Variants in DEPDC5 observed in about 807,000 individuals in gnomAD.
DEPDC5 encodes GATOR1 complex protein DEPDC5.
A neutral mutation model predicts 217.3 loss-of-function variants in DEPDC5; 73 were observed. The ratio of observed to expected loss-of-function variants is 0.34; its 90% CI spans 0.28 to 0.41. The LOEUF (loss-of-function observed/expected upper bound fraction) is 0.41. Ranked by LOEUF, DEPDC5 falls within the 10% of genes least tolerant of loss-of-function variation. DEPDC5 has a pLI of 1.00. For synonymous variants in DEPDC5, 733 were observed against 756.7 expected, an observed-to-expected ratio of 0.97 and a Z score of 0.51; for missense variants, 1,675 against 2,070.1, an observed-to-expected ratio of 0.81 and a Z score of 3.70.
At chr22:31,823,756 A>G (rs757498967) in intron 24 of DEPDC5, among the ~76,000 whole-genome samples, 5 of 152,182 alleles carry the variant, frequency 3.3e-5, no homozygotes, top group Non-Finnish European at 5.9e-5. Context: ...GTTATTAAAT[A>G]TATTTTATAC....
Position 31,837,278 on chromosome 22 carries a change from A to G in DEPDC5, c.2354+123A>G, listed in dbSNP as rs967792863. On this transcript the variant is annotated intron_variant, in intron 26 of 42. Coordinates refer to ENST00000651528, the MANE Select transcript of DEPDC5 (RefSeq NM_001242896.3). Reference sequence around the variant, plus strand: ...ACACATATATTAAAATTGGAACGATATAGAGGAGATTAGCATGGCCGTTAA... The same window carrying G: ...ACACATATATTAAAATTGGAACGATGTAGAGGAGATTAGCATGGCCGTTAA... 1.3e-5 allele frequency: 13 copies of G among 967,512 alleles called. No individual in the cohort carries two copies. The South Asian group carries it at 1.5e-4, about 11-fold the overall frequency. 59.9% of individuals were successfully genotyped at this position (967,512 alleles called of 1,614,324 possible). A position where few individuals can be genotyped will look rare whatever the true frequency, so the allele number is the denominator to read the frequency against.
chr22:31,775,156 T>G (rs1205366513), intron 7 of DEPDC5, among the ~76,000 whole-genome samples: 1 of 151,962 alleles, frequency 6.6e-6, no homozygotes, highest in Non-Finnish European at 1.5e-5. Context: ...AGCATTTTCC[T>G]GGCTTTTATC....
chr22:31,792,729 G>A lies in DEPDC5; in HGVS notation c.695-16G>A, dbSNP rs201635358. The A allele has an allele frequency of 4.2e-5, 65 of 1,535,438 alleles. No homozygotes were observed. The highest frequency in any genetic ancestry group is 1.7e-4 in the Middle Eastern group (1 of 5,928). ...CTTCTCAGCCTGAACTACATACTCC[G>A]TTTTCTCTATTTCAGATGAATTTCC... On this transcript the variant is annotated splice_polypyrimidine_tract_variant and intron_variant, in intron 11 of 42. Coordinates refer to ENST00000651528, the MANE Select transcript of DEPDC5 (RefSeq NM_001242896.3).
chr22:31,775,813 G>A (rs928265052), intron 7 of DEPDC5, among the ~76,000 whole-genome samples: 8 of 151,898 alleles, frequency 5.3e-5, no homozygotes, highest in Admixed American at 3.3e-4. Context: ...AGGCCAAGGC[G>A]GGCGGATCAC....
Position 31,811,548 on chromosome 22 carries a change from T to G in DEPDC5, c.1445+907T>G, listed in dbSNP as rs1457917295. Among the ~76,000 whole-genome samples the G allele has an allele frequency of 4.6e-5, 7 of 151,424 alleles. No homozygotes were observed. The East Asian group carries it at 1.4e-3, about 30-fold the overall frequency. The stretch of plus-strand genomic sequence containing the variant: ...GCTCTGTGGTGTTTTGGTCATATGG[T>G]AGTTGTTTTTTTTTTTTTTGAGACA... On this transcript the variant is annotated intron_variant, in intron 20 of 42. Transcript: ENST00000651528.
At chr22:31,780,945 C>T (rs534063221) in intron 8 of DEPDC5, among the ~76,000 whole-genome samples, 2 of 152,286 alleles carry the variant, frequency 1.3e-5, no homozygotes, top group East Asian at 1.9e-4. Context: ...GGGCCGGGCG[C>T]GGTGGCTCAC....
At chr22:31,791,627 CAAAA>C (rs142053932) in intron 10 of DEPDC5, among the ~76,000 whole-genome samples, 3 of 62,110 alleles carry the variant, frequency 4.8e-5, no homozygotes, top group Admixed American at 2.0e-4. Flanking sequence ...GAGACTGCCT[CAAAA>C]AAAAAAAAAA....
At chr22:31,801,939 G>T (rs1486404191) in intron 14 of DEPDC5, among the ~76,000 whole-genome samples, 1 of 151,278 alleles carries the variant, frequency 6.6e-6, no homozygotes, top group Non-Finnish European at 1.5e-5. Flanking sequence ...AAAGTGACTT[G>T]CCAGATTTAC....
intron 2 of DEPDC5, chr22:31,757,071 A>G (rs1291913916): frequency 6.6e-6 from 1 of 151,810 alleles, no homozygotes; most frequent in Non-Finnish European, 1.5e-5. Flanking sequence ...CAAAAAGGAA[A>G]TGATAAAACC....
intron 20 of DEPDC5, 47 bp downstream of exon 20, chr22:31,810,688 A>G (rs1014522010): frequency 3.6e-5 from 58 of 1,610,342 alleles, no homozygotes; most frequent in Non-Finnish European, 4.7e-5. Flanking sequence ...ATTGTGTAGG[A>G]AAACCTGAAG....
rs371903747 is a variant in DEPDC5 at position 31,862,229 on chromosome 22, C to T, written c.3330+796C>T. Among the ~76,000 whole-genome samples the T allele has an allele frequency of 3.5e-3, 512 of 147,780 alleles. 4 individuals are homozygous for T. Among genetic ancestry groups the T allele is most frequent in the African/African-American group, 0.012 (486 of 39,880 alleles). Reference sequence around the variant, plus strand: ...TGCACTCCAGCCTGGGCAACAAGAGCGAAACTCCATCTCAATAAATAAATA... The same window carrying T: ...TGCACTCCAGCCTGGGCAACAAGAGTGAAACTCCATCTCAATAAATAAATA... On this transcript the variant is annotated intron_variant, in intron 33 of 42. Transcript: ENST00000651528.
At chr22:31,817,424 C>T in intron 21 of DEPDC5, 3 of 470,076 alleles carry the variant, frequency 6.4e-6, no homozygotes, top group South Asian at 4.7e-5. Context: ...TGACATCTTT[C>T]ATATACTTGG....
chr22:31,879,131 CAT>C (rs912456561), intron 37 of DEPDC5, among the ~76,000 whole-genome samples: 12 of 133,698 alleles, frequency 9.0e-5, no homozygotes, highest in Non-Finnish European at 1.7e-4. Context: ...TATATATATA[CAT>C]ATATATTTTT....
At chr22:31,759,615 G>T (rs1267218911) in intron 3 of DEPDC5, among the ~76,000 whole-genome samples, 1 of 145,976 alleles carries the variant, frequency 6.9e-6, no homozygotes, top group Non-Finnish European at 1.5e-5. Flanking sequence ...CTCGTGATCC[G>T]CCTGCCTTGG....
intron 12 of DEPDC5, among the ~76,000 whole-genome samples, chr22:31,793,509 A>G (rs1302629509): frequency 1.3e-5 from 2 of 152,166 alleles, no homozygotes; most frequent in Non-Finnish European, 1.5e-5. Context: ...TTATTTCTAT[A>G]CATATTCAAA....
chr22:31,851,889 GT>G (rs2092046529), intron 31 of DEPDC5, among the ~76,000 whole-genome samples: 1 of 152,172 alleles, frequency 6.6e-6, no homozygotes, highest in Non-Finnish European at 1.5e-5. Context: ...TCCTTTGAAA[GT>G]TTTAAAAATT....
intron 12 of DEPDC5, among the ~76,000 whole-genome samples, chr22:31,794,701 A>G (rs145864437): frequency 6.6e-6 from 1 of 152,208 alleles, no homozygotes; most frequent in East Asian, 1.9e-4. Flanking sequence ...CCAGTGCACC[A>G]TGGAAAACCC....
chr22:31,847,898 T>C (rs2091833950), intron 31 of DEPDC5, among the ~76,000 whole-genome samples: 1 of 152,238 alleles, frequency 6.6e-6, no homozygotes, highest in East Asian at 1.9e-4. Context: ...CTTTTGCCTA[T>C]GAGCTTGTAA....
intron 34 of DEPDC5, among the ~76,000 whole-genome samples, chr22:31,871,844 G>T (rs955319733): frequency 2.0e-5 from 3 of 152,172 alleles, no homozygotes; most frequent in African/African-American, 7.2e-5. Context: ...ACTAGCAGTG[G>T]GTCCTGCTGC....
Sources: allele counts gnomAD v4.1 joint callset (sites outside exome capture counted in the v4.1 genomes callset), GRCh38; gene constraint gnomAD v4.1.1; transcripts MANE v1.5; gene names NCBI Gene and HGNC (gene_info 2026-07-23, HGNC 2026-07-21).